The following ITGA9 variants were observed in gnomAD, a reference collection of about 807,000 sequenced individuals.
ITGA9 encodes integrin subunit alpha 9.
Under a neutral mutation model 127.8 loss-of-function variants are expected in ITGA9, and 56 were observed. That is an observed-to-expected ratio of 0.44 (90% confidence interval 0.35 to 0.55). The LOEUF (loss-of-function observed/expected upper bound fraction) is 0.55, where lower values mean the gene tolerates loss of function less well. Ranked by LOEUF, ITGA9 falls within the 20% of genes least tolerant of loss-of-function variation. The probability of loss-of-function intolerance (pLI) is 0.00; values close to 1 mark genes in which losing one functional copy is unlikely to be tolerated. For missense variants in ITGA9, 1,196 were observed against 1,347.1 expected, an observed-to-expected ratio of 0.89 and a Z score of 1.76; for synonymous variants, 508 against 514.5, an observed-to-expected ratio of 0.99 and a Z score of 0.17.
chr3:37,730,576 G>T (rs1270018734), intron 18 of ITGA9, among the ~76,000 whole-genome samples: 1 of 152,120 alleles, frequency 6.6e-6, no homozygotes, highest in Non-Finnish European at 1.5e-5. Flanking sequence ...CTGCTGGGAG[G>T]TCCCCACCTC....
intron 18 of ITGA9, among the ~76,000 whole-genome samples, chr3:37,727,251 A>AT: frequency 6.6e-6 from 1 of 152,208 alleles, no homozygotes; most frequent in Non-Finnish European, 1.5e-5. Flanking sequence ...CTTAAGTAGA[A>AT]CCATCATAAG....
At position 37,498,056 on chromosome 3, in the gene ITGA9, G is replaced by A. The variant is rs192666198; in HGVS notation, c.612+3488G>A. 3.9e-5 allele frequency among the ~76,000 whole-genome samples: 6 copies of A among 152,308 alleles called. No individual in the cohort carries two copies. In the East Asian group the frequency reaches 1.2e-3, roughly 29 times the overall value. On this transcript the variant is annotated intron_variant, in intron 5 of 27. Coordinates refer to ENST00000264741, the MANE Select transcript of ITGA9 (RefSeq NM_002207.3). The stretch of plus-strand genomic sequence containing the variant: ...GGGGCTGGGTGGCCAGGGAGCTGTG[G>A]GGTAGAGGAAGGAGGGTTTGAGCCA...
chr3:37,507,935 A>G (rs925451252), intron 7 of ITGA9, among the ~76,000 whole-genome samples: 1 of 152,248 alleles, frequency 6.6e-6, no homozygotes, highest in Non-Finnish European at 1.5e-5. Flanking sequence ...AATGTCAGTG[A>G]TCGTCTTTGC....
At chr3:37,619,094 G>A (rs182012163) in intron 15 of ITGA9, among the ~76,000 whole-genome samples, 131 of 152,232 alleles carry the variant, frequency 8.6e-4, no homozygotes, top group African/African-American at 2.6e-3. Flanking sequence ...CTATTTGGCC[G>A]TCTTCGCTGT....
chr3:37,728,280 C>G (rs140536992), intron 18 of ITGA9, among the ~76,000 whole-genome samples: 16 of 152,328 alleles, frequency 1.1e-4, no homozygotes, highest in Admixed American at 2.0e-4. Flanking sequence ...AGGCAACTCC[C>G]AACCAGAGCG....
intron 15 of ITGA9, among the ~76,000 whole-genome samples, chr3:37,607,868 A>G (rs1575165248): frequency 6.6e-6 from 1 of 152,192 alleles, no homozygotes; most frequent in East Asian, 1.9e-4. Context: ...CTGCAAAAGG[A>G]CCGAAGGTTC....
chr3:37,658,158 A>G (rs1185857986), intron 17 of ITGA9, among the ~76,000 whole-genome samples: 1 of 152,206 alleles, frequency 6.6e-6, no homozygotes, highest in African/African-American at 2.4e-5. Context: ...AGAAGAATGT[A>G]TATTCTGCTG....
intron 17 of ITGA9, among the ~76,000 whole-genome samples, chr3:37,660,921 A>G (rs1462157567): frequency 1.3e-5 from 2 of 152,226 alleles, no homozygotes; most frequent in African/African-American, 4.8e-5. Context: ...TCACAGCATA[A>G]CAGAGGTACA....
At chr3:37,520,655 T>G (rs1056354784) in intron 11 of ITGA9, among the ~76,000 whole-genome samples, 1 of 152,188 alleles carries the variant, frequency 6.6e-6, no homozygotes, top group African/African-American at 2.4e-5. Flanking sequence ...TAGAAGTACA[T>G]AACAGGAGAT....
chr3:37,475,506 G>T (rs1698484642), intron 3 of ITGA9, among the ~76,000 whole-genome samples: 2 of 152,242 alleles, frequency 1.3e-5, no homozygotes, highest in Non-Finnish European at 2.9e-5. Context: ...CCACAGGGAA[G>T]ATTTAGCAAA....
chr3:37,678,879 C>T (rs1422180461), intron 17 of ITGA9, among the ~76,000 whole-genome samples: 1 of 152,150 alleles, frequency 6.6e-6, no homozygotes, highest in Non-Finnish European at 1.5e-5. Flanking sequence ...ACAAGTTCTA[C>T]AGAGATTTTC....
At chr3:37,639,101 A>G (rs1700308665) in intron 16 of ITGA9, among the ~76,000 whole-genome samples, 1 of 152,190 alleles carries the variant, frequency 6.6e-6, no homozygotes, top group African/African-American at 2.4e-5. Flanking sequence ...ATACAGCCTG[A>G]TGGGCACACA....
At chr3:37,817,516 A>G (rs1426522442) in intron 27 of ITGA9, among the ~76,000 whole-genome samples, 1 of 152,254 alleles carries the variant, frequency 6.6e-6, no homozygotes, top group Non-Finnish European at 1.5e-5. Context: ...TCTGCAGGCA[A>G]GCTCCATGGG....
intron 18 of ITGA9, among the ~76,000 whole-genome samples, chr3:37,720,725 T>C (rs1701181842): frequency 6.6e-6 from 1 of 152,200 alleles, no homozygotes; most frequent in Non-Finnish European, 1.5e-5. Context: ...TATTTGTTTA[T>C]TTAGCTTCTT....
chr3:37,686,788 A>G (rs1232528744), intron 18 of ITGA9, among the ~76,000 whole-genome samples: 1 of 152,200 alleles, frequency 6.6e-6, no homozygotes, highest in Non-Finnish European at 1.5e-5. Context: ...GACGACCCTC[A>G]GGGTGGCAGG....
At chr3:37,598,357 T>TG (rs1165125596) in intron 15 of ITGA9, among the ~76,000 whole-genome samples, 1 of 152,108 alleles carries the variant, frequency 6.6e-6, no homozygotes, top group Non-Finnish European at 1.5e-5. Flanking sequence ...CTCTCTGCCC[T>TG]GGGGGAGGGG....
At chr3:37,716,478 G>T (rs1447781299) in intron 18 of ITGA9, among the ~76,000 whole-genome samples, 3 of 151,390 alleles carry the variant, frequency 2.0e-5, no homozygotes, top group Admixed American at 6.6e-5. Flanking sequence ...ACACAGAAAA[G>T]GTTGCTCAGT....
chr3:37,643,519 G>C (rs1575178231), intron 16 of ITGA9, among the ~76,000 whole-genome samples: 1 of 147,324 alleles, frequency 6.8e-6, no homozygotes, highest in East Asian at 2.0e-4. Flanking sequence ...GCAATTTGTG[G>C]GGGGAAAATG....
chr3:37,591,286 T>C (rs935323082), intron 15 of ITGA9, among the ~76,000 whole-genome samples: 12 of 152,368 alleles, frequency 7.9e-5, no homozygotes, highest in Non-Finnish European at 1.8e-4. Context: ...CCCTGGAATT[T>C]ATTTGCTGGA....
Sources: gnomAD v4.1 joint callset for allele counts (sites outside exome capture counted in the v4.1 genomes callset) on GRCh38, gnomAD v4.1.1 for gene constraint, MANE v1.5 for transcripts, NCBI Gene and HGNC (gene_info 2026-07-23, HGNC 2026-07-21) for gene names.